The following CDH1 variants were observed in gnomAD, a reference collection of about 807,000 sequenced individuals.
CDH1 encodes cadherin 1.
In CDH1, 35 loss-of-function variants were observed where a neutral mutation model predicts 84.5. The observed-to-expected ratio is 0.41, with a 90% CI of 0.32 to 0.55. CDH1 has a LOEUF of 0.55. Ranked by LOEUF, CDH1 falls within the 20% of genes least tolerant of loss-of-function variation. The pLI is 0.19. For synonymous variants in CDH1, 417 were observed against 439.0 expected (o/e 0.95, Z 0.63); for missense variants, 994 against 1,126.6 (o/e 0.88, Z 1.68).
intron 2 of CDH1, among the ~76,000 whole-genome samples, chr16:68,762,663 C>T (rs1206955574): frequency 6.6e-6 from 1 of 152,138 alleles, no homozygotes; most frequent in Non-Finnish European, 1.5e-5. Flanking sequence ...ATTCTCAGCA[C>T]TTTGGGAGGC....
In CDH1 at chr16:68,815,742, T is replaced by C. The variant is rs1555516189; in HGVS notation, c.1548T>C (p.Phe516=). The change falls in exon 10 of 16, where the codon TTT becomes TTC. Residue 516 remains phenylalanine, a synonymous_variant. Transcript: ENST00000261769. ...ACACTGCCCAGGAGCCAGACACATT[T>C]ATGGAACAGAAAATAACGTAAGTGT... The part of the protein sequence containing the change: ...TSYTAQEPDT[F]MEQKITYRIW... The C allele has an allele frequency of 6.2e-7, 1 of 1,614,270 alleles. No homozygotes were observed. Among genetic ancestry groups the C allele is most frequent in the South Asian group, 1.1e-5 (1 of 91,086 alleles).
At chr16:68,754,364 A>ACTGC (rs879485899) in intron 2 of CDH1, among the ~76,000 whole-genome samples, 16 of 152,122 alleles carry the variant, frequency 1.1e-4, no homozygotes, top group Non-Finnish European at 2.2e-4. Flanking sequence ...GTGAGCTGTG[A>ACTGC]CTGCCTCCCT....
intron 2 of CDH1, among the ~76,000 whole-genome samples, chr16:68,751,556 G>T (rs1962883324): frequency 6.6e-6 from 1 of 152,090 alleles, no homozygotes; most frequent in Non-Finnish European, 1.5e-5. Flanking sequence ...AGTCTGCAGT[G>T]CAGTGGCGCA....
chr16:68,810,494 G>A (rs1406491994), intron 6 of CDH1, among the ~76,000 whole-genome samples, 153 bp downstream of exon 6: 2 of 152,102 alleles, frequency 1.3e-5, no homozygotes, highest in African/African-American at 4.8e-5. Flanking sequence ...ATATGCATGT[G>A]TGTAACAGTC....
chr16:68,811,629 GA>G, intron 6 of CDH1, 54 bp from the exon 7 acceptor site: 2 of 1,508,606 alleles, frequency 1.3e-6, no homozygotes, highest in Non-Finnish European at 1.8e-6. Context: ...AAGCAGTATT[GA>G]CCCAGTCCCA....
chr16:68,777,866 G>A (rs541876416), intron 2 of CDH1, among the ~76,000 whole-genome samples: 6 of 151,816 alleles, frequency 4.0e-5, no homozygotes, highest in Admixed American at 2.6e-4. Flanking sequence ...CAAGTAGCAG[G>A]GACTACAGGC....
intron 14 of CDH1, 136 bp downstream of exon 14, chr16:68,828,440 A>C: frequency 1.2e-6 from 1 of 812,446 alleles, no homozygotes; most frequent in Non-Finnish European, 2.1e-6. Context: ...CCAAGAAAGT[A>C]GACATTGTCA....
At position 68,815,403 on chromosome 16, in the gene CDH1, C is replaced by G. The variant is rs1960953915; in HGVS notation, c.1321-112C>G. ...AAAGTCATGGCAGAAACCACAGTTA[C>G]TTTTGCACCAACCTAATATATTACC... On this transcript the variant is annotated intron_variant, in intron 9 of 15. Transcript: ENST00000261769. The G allele has an allele frequency of 2.1e-6, 3 of 1,409,680 alleles. No individual in the cohort carries two copies. In the South Asian group the frequency reaches 3.7e-5, roughly 18 times the overall value. 87.3% of individuals were successfully genotyped at this position (1,409,680 alleles called of 1,614,324 possible).
chr16:68,775,025 C>T (rs1959689540), intron 2 of CDH1, among the ~76,000 whole-genome samples: 1 of 151,350 alleles, frequency 6.6e-6, no homozygotes, highest in Non-Finnish European at 1.5e-5. Flanking sequence ...ACTCAGAAGG[C>T]TGAGGTGGGA....
intron 3 of CDH1, among the ~76,000 whole-genome samples, chr16:68,802,831 A>C (rs2152127462): frequency 6.6e-6 from 1 of 152,242 alleles, no homozygotes; most frequent in East Asian, 1.9e-4. Flanking sequence ...GCCTTGGTGA[A>C]GAAGGAGAAG....
At chr16:68,768,226 G>A (rs1421096537) in intron 2 of CDH1, among the ~76,000 whole-genome samples, 2 of 152,178 alleles carry the variant, frequency 1.3e-5, no homozygotes, top group East Asian at 1.9e-4. Flanking sequence ...GATTACAGGC[G>A]TGAGCCACTG....
intron 2 of CDH1, among the ~76,000 whole-genome samples, chr16:68,759,397 G>C (rs1207666703): frequency 1.3e-5 from 2 of 151,940 alleles, no homozygotes; most frequent in African/African-American, 4.8e-5. Context: ...TATTGATTGA[G>C]TACTCAACTG....
intron 3 of CDH1, 99 bp from the exon 4 acceptor site, chr16:68,808,325 A>G: frequency 8.1e-7 from 1 of 1,240,726 alleles, no homozygotes; most frequent in East Asian, 2.3e-5. Flanking sequence ...TACACTGCCC[A>G]CAGAAGGCTG....
At chr16:68,820,847 C>T (rs1466529046) in intron 11 of CDH1, among the ~76,000 whole-genome samples, 1 of 151,974 alleles carries the variant, frequency 6.6e-6, no homozygotes, top group African/African-American at 2.4e-5. Context: ...TGGGAGATGG[C>T]TTGAGGCCAG....
At chr16:68,778,893 C>T (rs572021331) in intron 2 of CDH1, among the ~76,000 whole-genome samples, 1 of 152,124 alleles carries the variant, frequency 6.6e-6, no homozygotes, top group Admixed American at 6.6e-5. Flanking sequence ...AGGTTTTTCT[C>T]TTCCTGGCTC....
intron 3 of CDH1, among the ~76,000 whole-genome samples, chr16:68,804,649 A>C (rs1960603949): frequency 6.6e-6 from 1 of 152,082 alleles, no homozygotes; most frequent in Non-Finnish European, 1.5e-5. Flanking sequence ...ATTGGGTGGT[A>C]GGTAGCAGAT....
intron 2 of CDH1, among the ~76,000 whole-genome samples, chr16:68,777,557 T>TTTTTTTGG (rs1959765730): frequency 6.9e-6 from 1 of 145,288 alleles, no homozygotes; most frequent in Admixed American, 6.9e-5. Flanking sequence ...TTTTTTTTTT[T>TTTTTTTGG]GAGAAGGGGG....
chr16:68,738,788 G>C (rs1354061647), intron 2 of CDH1, among the ~76,000 whole-genome samples: 1 of 152,042 alleles, frequency 6.6e-6, no homozygotes, highest in Non-Finnish European at 1.5e-5. Flanking sequence ...GAGGCTAAGA[G>C]AGTGACGTCC....
rs1330335697 is a variant in CDH1 at position 68,812,270 on chromosome 16, C to A, written c.1137+7C>A. On this transcript the variant is annotated splice_region_variant and intron_variant, in intron 8 of 15. Transcript: ENST00000261769. ...GATCTTCAATCCCACCACGGTAATT[C>A]TATAACTCCTTAGAGGGTTTCCAAA... is the stretch of plus-strand genomic sequence containing the variant. The A allele has an allele frequency of 6.2e-7, 1 of 1,613,858 alleles. No homozygotes were observed. The highest frequency in any genetic ancestry group is 8.5e-7 in the Non-Finnish European group (1 of 1,179,804).
Sources: allele counts gnomAD v4.1 joint callset (sites outside exome capture counted in the v4.1 genomes callset), GRCh38; gene constraint gnomAD v4.1.1; transcripts MANE v1.5; gene names NCBI Gene and HGNC (gene_info 2026-07-23, HGNC 2026-07-21).